Variants in CIT observed in about 807,000 individuals in gnomAD.
CIT encodes citron rho-interacting serine/threonine kinase, also known as citron Rho-interacting kinase.
A neutral mutation model predicts 272.7 loss-of-function variants in CIT; 79 were observed. That is an observed-to-expected ratio of 0.29 (90% CI 0.24 to 0.35). The LOEUF is 0.35. Ranked by LOEUF, CIT falls within the 10% of genes least tolerant of loss-of-function variation. CIT has a pLI of 1.00. For missense variants in CIT, 1,909 were observed against 2,618.3 expected (o/e 0.73, Z 5.91); for synonymous variants, 948 against 995.6 (o/e 0.95, Z 0.90).
chr12:119,775,313 TA>T (rs1412856687), intron 16 of CIT, among the ~76,000 whole-genome samples: 5 of 152,028 alleles, frequency 3.3e-5, no homozygotes, highest in Admixed American at 1.3e-4. Context: ...AACAATGAAA[TA>T]AAAGGGCCAT....
Position 119,785,211 on chromosome 12 carries a change from G to T in CIT, c.1296-146C>A, listed in dbSNP as rs974625306. 7 of 840,972 alleles carry T rather than the reference G, an allele frequency of 8.3e-6. No individual in the cohort carries two copies. In the African/African-American group the frequency reaches 1.2e-4, roughly 14 times the overall value. 52.1% of individuals were successfully genotyped at this position (840,972 alleles called of 1,614,324 possible). A position where few individuals can be genotyped will look rare whatever the true frequency, so the allele number is the denominator to read the frequency against. Reference sequence around the variant, plus strand: ...TAATGCCCCCTTCCCGTTTCCCAAAGATGCCCATGTCCTGATCTCTGCAAG... The same window carrying T: ...TAATGCCCCCTTCCCGTTTCCCAAATATGCCCATGTCCTGATCTCTGCAAG... On this transcript the variant is annotated intron_variant, in intron 10 of 47. Coordinates refer to ENST00000392521, the MANE Select transcript of CIT (RefSeq NM_001206999.2).
chr12:119,852,059 C>T (rs1488480817), intron 4 of CIT, among the ~76,000 whole-genome samples: 1 of 151,936 alleles, frequency 6.6e-6, no homozygotes, highest in African/African-American at 2.4e-5. Flanking sequence ...AATAAAATCA[C>T]GAAGGAGGAA....
intron 46 of CIT, among the ~76,000 whole-genome samples, chr12:119,695,800 G>A (rs60037471): frequency 0.044 from 6,699 of 152,056 alleles, 478 homozygotes; most frequent in African/African-American, 0.15. Flanking sequence ...AAAAAGTAGG[G>A]GGAGTGTATT....
intron 17 of CIT, 97 bp from the exon 18 acceptor site, chr12:119,771,007 G>C: frequency 7.0e-7 from 1 of 1,430,844 alleles, no homozygotes; most frequent in Admixed American, 2.3e-5. Context: ...GCATACACTC[G>C]AGTCAGGAAG....
At chr12:119,844,098 T>C (rs1969615858) in intron 5 of CIT, among the ~76,000 whole-genome samples, 1 of 150,710 alleles carries the variant, frequency 6.6e-6, no homozygotes, top group South Asian at 2.1e-4. Context: ...CTTGGCTCAC[T>C]GCAACCTCCA....
At chr12:119,790,733 T>C (rs1053684728) in intron 10 of CIT, among the ~76,000 whole-genome samples, 2 of 152,152 alleles carry the variant, frequency 1.3e-5, no homozygotes, top group African/African-American at 4.8e-5. Flanking sequence ...GTGCTATTAA[T>C]ATGTAGTGGG....
rs1013500792 is a variant in CIT, at chr12:119,752,151, G to C, written c.2803C>G (p.Leu935Val). The C allele has an allele frequency of 1.4e-5, 23 of 1,613,066 alleles. No homozygotes were observed. The highest frequency in any genetic ancestry group is 1.9e-5 in the Non-Finnish European group (23 of 1,180,004). Residue 935 changes from leucine (L) to valine (V), a missense_variant, in exon 23 of 48, where the codon CTG becomes GTG. Physicochemically the swap from Leu to Val is conservative, Grantham distance 32 (BLOSUM62 1). This residue lies in a region of CIT where 530 missense variants were observed against 822.4 expected (regional missense o/e 0.64). Transcript: ENST00000392521. ...TCCAGGGCCGCCCGTGCAGCCTGCAGGGCTGTCAACTGTGACTCGCGCTCC... is the reference window on the plus strand; with the variant it reads ...TCCAGGGCCGCCCGTGCAGCCTGCACGGCTGTCAACTGTGACTCGCGCTCC... ...LQERESQLTA[L>V]QAARAALESQ... is the part of the protein sequence containing the mutation.
At chr12:119,818,707 C>T (rs975347475) in intron 9 of CIT, among the ~76,000 whole-genome samples, 4 of 152,128 alleles carry the variant, frequency 2.6e-5, no homozygotes, top group Admixed American at 6.5e-5. Flanking sequence ...GAGAAAAAGC[C>T]CATGTCAGAC....
chr12:119,740,994 A>T (rs1479445958), intron 24 of CIT, among the ~76,000 whole-genome samples: 1 of 152,174 alleles, frequency 6.6e-6, no homozygotes, highest in Non-Finnish European at 1.5e-5. Context: ...TCTTGGGGAT[A>T]TGTTCACCAG....
Position 119,784,672 on chromosome 12 carries a change from C to A in CIT, c.1401+288G>T. On this transcript the variant is annotated intron_variant, in intron 11 of 47. Transcript: ENST00000392521. The surrounding 1 kb of genome is among the most constrained non-coding windows in gnomAD (Gnocchi z 4.7). ...TGTATCTCAGCCACAGGTGAGGACC[C>A]AGGCCACCTGCCGGAAGAAGCAGAC... The A allele has an allele frequency of 7.8e-7, 1 of 1,287,392 alleles. No individual in the cohort carries two copies. Among genetic ancestry groups the A allele is most frequent in the South Asian group, 2.0e-5 (1 of 51,248 alleles). 79.7% of individuals were successfully genotyped at this position (1,287,392 alleles called of 1,614,324 possible).
At chr12:119,793,002 T>C (rs1965448618) in intron 10 of CIT, among the ~76,000 whole-genome samples, 1 of 152,012 alleles carries the variant, frequency 6.6e-6, no homozygotes, top group East Asian at 1.9e-4. Flanking sequence ...ATGGTGCCCA[T>C]CAGGAACACC....
In CIT at chr12:119,712,088, A is replaced by T. The variant is rs1027955266; in HGVS notation, c.4854+90T>A. Reference sequence around the variant, plus strand: ...CAGAGAGAGAGCCTGAGGGGAATCAAAATGGCCAATGGGATTCTCGTCGTT... The same window carrying T: ...CAGAGAGAGAGCCTGAGGGGAATCATAATGGCCAATGGGATTCTCGTCGTT... On this transcript the variant is annotated intron_variant, in intron 37 of 47. Coordinates refer to ENST00000392521, the MANE Select transcript of CIT (RefSeq NM_001206999.2). The surrounding 1 kb of genome is among the most constrained non-coding windows in gnomAD (Gnocchi z 5.2). 9.2e-6 allele frequency: 12 copies of T among 1,309,434 alleles called. No homozygotes were observed. The Admixed American group carries it at 2.6e-4, about 29-fold the overall frequency. The allele number at this position is 1,309,434 out of a possible 1,614,324, so 81.1% of individuals were successfully genotyped here.
chr12:119,871,643 C>CCGGG (rs1950681614), intron 2 of CIT, among the ~76,000 whole-genome samples: 1 of 152,082 alleles, frequency 6.6e-6, no homozygotes, highest in Non-Finnish European at 1.5e-5. Context: ...CACTTGAGCC[C>CCGGG]AGGAGTTCAA....
chr12:119,834,019 C>A, intron 6 of CIT, 67 bp downstream of exon 6: 1 of 1,468,010 alleles, frequency 6.8e-7, no homozygotes, highest in East Asian at 2.3e-5. Context: ...CACTCATTTC[C>A]ATGCAGGAAC....
intron 2 of CIT, among the ~76,000 whole-genome samples, chr12:119,875,148 C>CA (rs1566157812): frequency 6.6e-6 from 1 of 151,696 alleles, no homozygotes; most frequent in Non-Finnish European, 1.5e-5. Flanking sequence ...ACAAAAAATA[C>CA]AAAAATTAGC....
At chr12:119,838,079 T>G (rs547365571) in intron 5 of CIT, among the ~76,000 whole-genome samples, 42 of 152,242 alleles carry the variant, frequency 2.8e-4, no homozygotes, top group African/African-American at 9.2e-4. Flanking sequence ...TTTGTTTTTT[T>G]GGGTTTTTTT....
intron 10 of CIT, among the ~76,000 whole-genome samples, chr12:119,787,730 C>CAAAAAAAAA (rs61554565): frequency 2.9e-4 from 14 of 49,044 alleles, no homozygotes; most frequent in African/African-American, 1.1e-3. Flanking sequence ...GACTCCGTCT[C>CAAAAAAAAA]AAAAAAAAAA....
At chr12:119,776,437 G>C (rs1963753452) in intron 14 of CIT, 29 bp from the exon 15 acceptor site, 1 of 1,601,674 alleles carries the variant, frequency 6.2e-7, no homozygotes, top group Non-Finnish European at 8.5e-7. Context: ...AACATATTGG[G>C]AAATCTCAAC....
intron 9 of CIT, among the ~76,000 whole-genome samples, chr12:119,819,014 T>C (rs1967451821): frequency 6.6e-6 from 1 of 152,168 alleles, no homozygotes; most frequent in Non-Finnish European, 1.5e-5. Context: ...TGGCTTCAGC[T>C]TTCCTGAAGC....
Sources: allele counts gnomAD v4.1 joint callset (sites outside exome capture counted in the v4.1 genomes callset), GRCh38; gene constraint gnomAD v4.1.1; regional missense constraint gnomAD v4.1.1; non-coding constraint Gnocchi (gnomAD v3.1); transcripts MANE v1.5; gene names NCBI Gene and HGNC (gene_info 2026-07-23, HGNC 2026-07-21).